ZSWIM5: variants seen among roughly 807,000 people sequenced by gnomAD.
The protein encoded by ZSWIM5 is zinc finger SWIM domain-containing protein 5.
Under a neutral mutation model 119.6 loss-of-function variants are expected in ZSWIM5, and 55 were observed. That is an observed-to-expected ratio of 0.46 (90% confidence interval 0.37 to 0.58). The LOEUF is 0.58. ZSWIM5 is among the 20% of genes least tolerant of loss of function. The pLI is 0.00. For synonymous variants in ZSWIM5, 537 were observed against 606.9 expected, an observed-to-expected ratio of 0.88 and a Z score of 1.69; for missense variants, 1,193 against 1,512.8, an observed-to-expected ratio of 0.79 and a Z score of 3.51.
At chr1:45,183,151 G>A (rs1216323631) in intron 1 of ZSWIM5, among the ~76,000 whole-genome samples, 1 of 151,864 alleles carries the variant, frequency 6.6e-6, no homozygotes, top group Non-Finnish European at 1.5e-5. Flanking sequence ...AATGACTACT[G>A]GGTACATAAC....
At chr1:45,087,229 A>G (rs1570080455) in intron 2 of ZSWIM5, among the ~76,000 whole-genome samples, 2 of 152,160 alleles carry the variant, frequency 1.3e-5, no homozygotes, top group Admixed American at 6.5e-5. Context: ...GGCTTCTACA[A>G]TCTGGTTTCA....
chr1:45,094,855 G>A lies in ZSWIM5; in HGVS notation c.596-6618C>T, dbSNP rs533072169. Among the ~76,000 whole-genome samples, 12 of 147,294 alleles carry A rather than the reference G, an allele frequency of 8.1e-5. No individual in the cohort carries two copies. In the South Asian group the frequency reaches 2.1e-3, roughly 26 times the overall value. On this transcript the variant is annotated intron_variant, in intron 1 of 13. Coordinates refer to ENST00000359600, the MANE Select transcript of ZSWIM5 (RefSeq NM_020883.2). ...TCATATCACTGTACTCCAGAACAAG[G>A]CAAGCAAAAAAAAAAAAAACAAAAG...
In ZSWIM5 at chr1:45,016,780, C is replaced by G. The variant is rs967778758; in HGVS notation, c.*1674G>C. On this transcript the variant is annotated 3_prime_UTR_variant, in exon 14 of 14. Coordinates refer to ENST00000359600, the MANE Select transcript of ZSWIM5 (RefSeq NM_020883.2). ...ACACCAAGACACTGGTTCCAACTGACTTTTCTGAGTGCCCTTGCTACCTCC... is the reference window on the plus strand; with the variant it reads ...ACACCAAGACACTGGTTCCAACTGAGTTTTCTGAGTGCCCTTGCTACCTCC... The G allele has an allele frequency of 2.0e-5, 3 of 152,246 alleles. No individual in the cohort carries two copies. Among genetic ancestry groups the G allele is most frequent in the African/African-American group, 7.2e-5 (3 of 41,462 alleles). 9.4% of individuals were successfully genotyped at this position (152,246 alleles called of 1,614,324 possible).
intron 1 of ZSWIM5, among the ~76,000 whole-genome samples, chr1:45,144,961 A>C (rs971171650): frequency 1.3e-5 from 2 of 152,176 alleles, no homozygotes; most frequent in African/African-American, 4.8e-5. Context: ...GAACTCTAAA[A>C]ACTCAAAATA....
At chr1:45,083,328 G>A (rs1645305847) in intron 2 of ZSWIM5, among the ~76,000 whole-genome samples, 1 of 151,712 alleles carries the variant, frequency 6.6e-6, no homozygotes, top group Non-Finnish European at 1.5e-5. Context: ...ACTGTTCATT[G>A]CAGCCTTGAC....
intron 1 of ZSWIM5, among the ~76,000 whole-genome samples, chr1:45,192,644 C>T (rs1453735010): frequency 1.3e-5 from 2 of 152,088 alleles, no homozygotes; most frequent in African/African-American, 4.8e-5. Flanking sequence ...CTATTCAATT[C>T]CCTGCTTTCA....
intron 13 of ZSWIM5, 39 bp downstream of exon 13, chr1:45,020,027 C>A (rs201106438): frequency 1.3e-6 from 2 of 1,574,994 alleles, no homozygotes; most frequent in Non-Finnish European, 1.7e-6. Context: ...GGCCTAGAAA[C>A]TCCTTTCCCC....
At chr1:45,039,686 A>G (rs1384852958) in intron 7 of ZSWIM5, among the ~76,000 whole-genome samples, 1 of 150,796 alleles carries the variant, frequency 6.6e-6, no homozygotes, top group African/African-American at 2.4e-5. Context: ...TGCCTGGCAT[A>G]TTTAATTTAA....
intron 2 of ZSWIM5, among the ~76,000 whole-genome samples, chr1:45,078,683 T>A (rs969770765): frequency 1.3e-5 from 2 of 152,150 alleles, no homozygotes; most frequent in South Asian, 2.1e-4. Context: ...CTGGCTACCA[T>A]CTGTGTTCAC....
chr1:45,022,021 C>CA (rs111486389), intron 11 of ZSWIM5, among the ~76,000 whole-genome samples: 90,675 of 138,600 alleles, frequency 0.65, 29,571 homozygotes, highest in Middle Eastern at 0.78. Flanking sequence ...GACTCCGTCT[C>CA]AAAAAAAAAA....
chr1:45,041,598 G>A (rs1346358462), intron 6 of ZSWIM5, among the ~76,000 whole-genome samples: 1 of 149,812 alleles, frequency 6.7e-6, no homozygotes, highest in Non-Finnish European at 1.5e-5. Context: ...GTACAGTGGT[G>A]TGATCTCCGC....
Position 45,172,717 on chromosome 1 carries a change from T to A in ZSWIM5, c.595+33039A>T, listed in dbSNP as rs139668466. Among the ~76,000 whole-genome samples the A allele has an allele frequency of 4.3e-3, 656 of 152,258 alleles. 15 individuals carry two copies. The highest frequency in any genetic ancestry group is 0.038 in the Admixed American group (586 of 15,256). ...CTACAAAGATTGCTATATATCTTTTTCTCCCACAGCATGTCCTTGTAGTCT... is the reference window on the plus strand; with the variant it reads ...CTACAAAGATTGCTATATATCTTTTACTCCCACAGCATGTCCTTGTAGTCT... On this transcript the variant is annotated intron_variant, in intron 1 of 13. Transcript: ENST00000359600.
chr1:45,177,557 C>T (rs916970997), intron 1 of ZSWIM5, among the ~76,000 whole-genome samples: 2 of 152,058 alleles, frequency 1.3e-5, no homozygotes, highest in African/African-American at 2.4e-5. Flanking sequence ...GTCTGAATCT[C>T]ATGAAATGAA....
chr1:45,131,724 C>CAAAAAAAAAAAAAA (rs11336099), intron 1 of ZSWIM5, among the ~76,000 whole-genome samples: 2 of 74,224 alleles, frequency 2.7e-5, no homozygotes, highest in Non-Finnish European at 5.5e-5. Flanking sequence ...GACTCTGTCT[C>CAAAAAAAAAAAAAA]AAAAAAAAAA....
In ZSWIM5 at chr1:45,072,625, C is replaced by T. The variant is rs1645228700; in HGVS notation, c.953-12378G>A. On this transcript the variant is annotated intron_variant, in intron 2 of 13. Coordinates refer to ENST00000359600, the MANE Select transcript of ZSWIM5 (RefSeq NM_020883.2). The surrounding 1 kb of genome is among the most constrained non-coding windows in gnomAD (Gnocchi z 4.1). ...ATGGCTAGAGATAGGGGTCTAGTTT[C>T]ATTTCTTCTGCATATGGATATCCAG... is the stretch of plus-strand genomic sequence containing the variant. Among the ~76,000 whole-genome samples the T allele has an allele frequency of 6.6e-6, 1 of 151,972 alleles. No individual in the cohort carries two copies. Among genetic ancestry groups the T allele is most frequent in the Non-Finnish European group, 1.5e-5 (1 of 68,022 alleles).
Position 45,074,667 on chromosome 1 carries a change from C to A in ZSWIM5, c.952+13214G>T, listed in dbSNP as rs117592150. Among the ~76,000 whole-genome samples, 184 of 151,818 alleles carry A rather than the reference C, an allele frequency of 1.2e-3. 2 individuals carry two copies. In the East Asian group the frequency reaches 0.034, roughly 28 times the overall value. ...CAATTTTGTTTAACTTTTCAAAAAA[C>A]CAACCTTTTGTTTTATTGATTTTTT... is the stretch of plus-strand genomic sequence containing the variant. On this transcript the variant is annotated intron_variant, in intron 2 of 13. Coordinates refer to ENST00000359600, the MANE Select transcript of ZSWIM5 (RefSeq NM_020883.2).
intron 1 of ZSWIM5, among the ~76,000 whole-genome samples, chr1:45,134,900 A>G (rs1645679964): frequency 1.3e-5 from 2 of 152,228 alleles, no homozygotes; most frequent in African/African-American, 4.8e-5. Flanking sequence ...ATGTTGTAGC[A>G]TATGAAAGGA....
intron 2 of ZSWIM5, among the ~76,000 whole-genome samples, chr1:45,068,550 T>C (rs1429486215): frequency 6.6e-6 from 1 of 151,908 alleles, no homozygotes; most frequent in African/African-American, 2.4e-5. Flanking sequence ...ACTCAAGAAA[T>C]TTTTCTCTAC....
At chr1:45,112,591 C>T (rs1477973921) in intron 1 of ZSWIM5, among the ~76,000 whole-genome samples, 1 of 152,102 alleles carries the variant, frequency 6.6e-6, no homozygotes, top group African/African-American at 2.4e-5. Context: ...AAAATGACTC[C>T]TGATTGGTAA....
Sources: allele counts gnomAD v4.1 joint callset (sites outside exome capture counted in the v4.1 genomes callset), GRCh38; gene constraint gnomAD v4.1.1; non-coding constraint Gnocchi (gnomAD v3.1); transcripts MANE v1.5; gene names NCBI Gene and HGNC (gene_info 2026-07-23, HGNC 2026-07-21).